PCGF5: variants seen among roughly 807,000 people sequenced by gnomAD.
PCGF5 encodes the protein polycomb group RING finger protein 5.
A neutral mutation model predicts 44.3 loss-of-function variants in PCGF5; 9 were observed. That is an observed-to-expected ratio of 0.20 (90% confidence interval 0.12 to 0.35). The LOEUF (loss-of-function observed/expected upper bound fraction) is 0.35, where lower values mean the gene tolerates loss of function less well. PCGF5 is among the 10% of genes least tolerant of loss of function. The pLI, the probability that PCGF5 is intolerant of heterozygous loss-of-function variation, is 1.00. For missense variants in PCGF5, 146 were observed against 305.3 expected, an observed-to-expected ratio of 0.48 and a Z score of 3.89; for synonymous variants, 95 against 102.5, an observed-to-expected ratio of 0.93 and a Z score of 0.44.
chr10:91,221,118 C>G (rs934861675), intron 1 of PCGF5, among the ~76,000 whole-genome samples: 15 of 151,962 alleles, frequency 9.9e-5, no homozygotes, highest in Non-Finnish European at 2.9e-5. Flanking sequence ...GCGCACCTGC[C>G]GGGCGGGCGC....
intron 1 of PCGF5, among the ~76,000 whole-genome samples, chr10:91,185,056 G>A (rs1843894161): frequency 6.6e-6 from 1 of 152,196 alleles, no homozygotes; most frequent in African/African-American, 2.4e-5. Flanking sequence ...ACTGTGCTAG[G>A]GGTACCCCCT....
At chr10:91,181,621 G>T (rs1245049905) in intron 1 of PCGF5, among the ~76,000 whole-genome samples, 1 of 152,106 alleles carries the variant, frequency 6.6e-6, no homozygotes, top group Non-Finnish European at 1.5e-5. Flanking sequence ...GTTAATTGTG[G>T]TTTTTGTCTT....
At chr10:91,213,729 C>G (rs1371057763) in intron 1 of PCGF5, among the ~76,000 whole-genome samples, 4 of 151,828 alleles carry the variant, frequency 2.6e-5, no homozygotes, top group African/African-American at 4.8e-5. Flanking sequence ...CAGAGAGGTC[C>G]CCACCTCGGC....
chr10:91,272,671 G>A (rs1436384459), intron 9 of PCGF5, among the ~76,000 whole-genome samples: 1 of 152,126 alleles, frequency 6.6e-6, no homozygotes, highest in Non-Finnish European at 1.5e-5. Flanking sequence ...TACTAAGGAG[G>A]TTGAGGCGGG....
At chr10:91,162,353 T>C (rs1843400893), upstream of PCGF5, among the ~76,000 whole-genome samples, 1 of 151,050 alleles carries the variant, frequency 6.6e-6, no homozygotes, top group Non-Finnish European at 1.5e-5. Flanking sequence ...GCAAAGAAGC[T>C]GGAGGCAGGA....
intron 1 of PCGF5, among the ~76,000 whole-genome samples, chr10:91,193,599 G>A (rs2421487): frequency 0.93 from 141,164 of 151,948 alleles, 65,661 homozygotes; most frequent in African/African-American, 0.97. Context: ...AGATAGGGTC[G>A]GAAAGGCCCT....
intron 7 of PCGF5, 122 bp downstream of exon 7, chr10:91,261,546 G>T: frequency 8.3e-7 from 1 of 1,203,332 alleles, no homozygotes; most frequent in Non-Finnish European, 1.1e-6. Flanking sequence ...GATTATTTTT[G>T]TGTTAAAAAT....
intron 3 of PCGF5, among the ~76,000 whole-genome samples, chr10:91,241,297 G>A (rs1388143194): frequency 1.3e-5 from 2 of 151,934 alleles, no homozygotes; most frequent in Non-Finnish European, 1.5e-5. Flanking sequence ...TCAAACTCCC[G>A]ACCTCAGGTG....
intron 8 of PCGF5, among the ~76,000 whole-genome samples, chr10:91,270,956 G>A (rs1846165446): frequency 6.6e-6 from 1 of 151,962 alleles, no homozygotes; most frequent in African/African-American, 2.4e-5. Context: ...CTGTTTTAAA[G>A]TAGTAGGTTT....
chr10:91,198,102 G>T (rs1844176722), intron 1 of PCGF5, among the ~76,000 whole-genome samples: 3 of 152,212 alleles, frequency 2.0e-5, no homozygotes, highest in Admixed American at 2.0e-4. Context: ...GAGAAATACT[G>T]TGGAGAAAAG....
In PCGF5 at chr10:91,224,921, C is replaced by G. The variant is rs35996590; in HGVS notation, c.112+1938C>G. 6.3e-3 allele frequency among the ~76,000 whole-genome samples: 966 copies of G among 152,190 alleles called. 10 individuals are homozygous for G. Among genetic ancestry groups the G allele is most frequent in the Admixed American group, 9.2e-3 (141 of 15,302 alleles). ...CGTTTCACCAAGCATGGAACCTGGACCCAGTCCACAGTGTGTTTTGTTTTG... is the reference window on the plus strand; with the variant it reads ...CGTTTCACCAAGCATGGAACCTGGAGCCAGTCCACAGTGTGTTTTGTTTTG... On this transcript the variant is annotated intron_variant, in intron 2 of 9. Transcript: ENST00000336126.
chr10:91,221,290 A>C (rs1348657471), intron 1 of PCGF5, among the ~76,000 whole-genome samples: 7 of 152,114 alleles, frequency 4.6e-5, no homozygotes. Flanking sequence ...CCAGGTCGGG[A>C]CCGTGCATTT....
chr10:91,184,874 T>C lies in PCGF5; in HGVS notation c.-184+21793T>C, dbSNP rs1031788815. On this transcript the variant is annotated intron_variant, in intron 1 of 9. Coordinates refer to the PCGF5 transcript ENST00000614189. ...CTACAAAGCAACAAAGATGGCAGTG[T>C]ACCCCTTCCTGTGGGAGTCCCATCC... Among the ~76,000 whole-genome samples the C allele has an allele frequency of 2.0e-5, 3 of 152,194 alleles. No individual in the cohort carries two copies. The South Asian group carries it at 6.2e-4, about 31-fold the overall frequency.
chr10:91,279,010 G>A lies in PCGF5; in HGVS notation c.*694G>A, dbSNP rs1027279230. The A allele has an allele frequency of 1.3e-5, 2 of 152,598 alleles. No individual in the cohort carries two copies. The highest frequency in any genetic ancestry group is 2.9e-5 in the Non-Finnish European group (2 of 68,036). 9.5% of individuals were successfully genotyped at this position (152,598 alleles called of 1,614,324 possible). ...AATGTATGTGACCTCTTGAACTGAA[G>A]TTAGATTCCCAACCATTCAAAATGT... On this transcript the variant is annotated 3_prime_UTR_variant, in exon 10 of 10. Transcript: ENST00000336126.
At chr10:91,232,322 A>G (rs1845030755) in intron 2 of PCGF5, among the ~76,000 whole-genome samples, 1 of 152,202 alleles carries the variant, frequency 6.6e-6, no homozygotes. Context: ...CTGGTTTTGA[A>G]TATTGTACTA....
At chr10:91,214,358 A>G (rs1042327570) in intron 1 of PCGF5, among the ~76,000 whole-genome samples, 1 of 151,776 alleles carries the variant, frequency 6.6e-6, no homozygotes, top group African/African-American at 2.4e-5. Flanking sequence ...TGTCATGCGA[A>G]GATAGATGCA....
intron 2 of PCGF5, among the ~76,000 whole-genome samples, chr10:91,236,317 A>G (rs1452252496): frequency 2.6e-5 from 4 of 152,124 alleles, no homozygotes; most frequent in Non-Finnish European, 5.9e-5. Context: ...AACTGTCCAT[A>G]CTATAATCCA....
intron 1 of PCGF5, among the ~76,000 whole-genome samples, chr10:91,180,061 C>G (rs551615105): frequency 6.6e-6 from 1 of 151,956 alleles, no homozygotes; most frequent in Non-Finnish European, 1.5e-5. Flanking sequence ...GAGATGGTAT[C>G]TCATTGTGGT....
At chr10:91,174,811 C>G (rs1843673390) in intron 1 of PCGF5, among the ~76,000 whole-genome samples, 1 of 152,154 alleles carries the variant, frequency 6.6e-6, no homozygotes, top group African/African-American at 2.4e-5. Flanking sequence ...CATGGGACTT[C>G]AGATTAGAAT....
Sources: allele counts gnomAD v4.1 joint callset (sites outside exome capture counted in the v4.1 genomes callset), GRCh38; gene constraint gnomAD v4.1.1; transcripts MANE v1.5; gene names NCBI Gene and HGNC (gene_info 2026-07-23, HGNC 2026-07-21).